The following ITPR1 variants were observed in gnomAD, a reference collection of about 807,000 sequenced individuals.
ITPR1 encodes inositol 1,4,5-trisphosphate-gated calcium channel ITPR1.
ITPR1 carries 96 observed loss-of-function variants against 318.4 expected under a neutral mutation model. The observed-to-expected ratio is 0.30, with a 90% CI of 0.26 to 0.36. The LOEUF (loss-of-function observed/expected upper bound fraction) is 0.36, where lower values mean the gene tolerates loss of function less well. ITPR1 is among the 10% of genes least tolerant of loss of function. The pLI, the probability that ITPR1 is intolerant of heterozygous loss-of-function variation, is 1.00. For missense variants in ITPR1, 2,440 were observed against 3,460.2 expected (o/e 0.71, Z 7.40); for synonymous variants, 1,312 against 1,289.9 (o/e 1.02, Z -0.37).
chr3:4,541,723 T>G (rs2084470250), intron 4 of ITPR1, among the ~76,000 whole-genome samples: 2 of 152,066 alleles, frequency 1.3e-5, no homozygotes, highest in South Asian at 4.2e-4. Context: ...CCTCCCAGGT[T>G]CAAGCCGTTC....
chr3:4,754,940 C>T (rs371054959), intron 44 of ITPR1, among the ~76,000 whole-genome samples: 1 of 152,186 alleles, frequency 6.6e-6, no homozygotes, highest in Non-Finnish European at 1.5e-5. Context: ...ACGGCTGTGC[C>T]GTGTATCCCC....
chr3:4,814,083 C>T (rs2049118312), intron 57 of ITPR1, among the ~76,000 whole-genome samples: 1 of 152,170 alleles, frequency 6.6e-6, no homozygotes, highest in Non-Finnish European at 1.5e-5. Flanking sequence ...AGACAAGAGG[C>T]CTGTGACTCA....
At chr3:4,532,659 C>T (rs561828290) in intron 4 of ITPR1, among the ~76,000 whole-genome samples, 19 of 152,014 alleles carry the variant, frequency 1.2e-4, no homozygotes, top group South Asian at 2.1e-4. Flanking sequence ...GCATGAGCCA[C>T]GGCACCCTGC....
chr3:4,815,425 G>A (rs935084735), intron 59 of ITPR1, among the ~76,000 whole-genome samples: 1 of 152,090 alleles, frequency 6.6e-6, no homozygotes, highest in Admixed American at 6.5e-5. Flanking sequence ...TACAGACCTG[G>A]GTTCTGACTG....
At chr3:4,569,532 A>T (rs1354908394) in intron 4 of ITPR1, among the ~76,000 whole-genome samples, 3 of 152,246 alleles carry the variant, frequency 2.0e-5, no homozygotes, top group Non-Finnish European at 4.4e-5. Context: ...TGTTGGCCTC[A>T]TCCATAAACT....
chr3:4,817,240 G>C (rs1307004145), intron 59 of ITPR1, among the ~76,000 whole-genome samples: 2 of 152,230 alleles, frequency 1.3e-5, no homozygotes, highest in African/African-American at 2.4e-5. Context: ...ACTGGAGAAA[G>C]GTATTTAGAA....
At chr3:4,507,961 C>G (rs574960598) in intron 2 of ITPR1, among the ~76,000 whole-genome samples, 4 of 152,038 alleles carry the variant, frequency 2.6e-5, no homozygotes, top group Non-Finnish European at 5.9e-5. Context: ...GAGTGTTTTG[C>G]GTGTGTCTTG....
chr3:4,779,475 C>T lies in ITPR1; in HGVS notation c.6292-75C>T, dbSNP rs898317877. ...TTTAGCCGGGATGCCTCCCATGTGC[C>T]AGTTGGCACCTGCATTCAGGCCGGG... On this transcript the variant is annotated intron_variant, in intron 48 of 61. Coordinates refer to ENST00000649015, the MANE Select transcript of ITPR1 (RefSeq NM_001378452.1). This position sits in a 1 kb window ranked among gnomAD's most constrained non-coding sequence, Gnocchi z 4.0. 9.5e-6 allele frequency: 10 copies of T among 1,050,668 alleles called. No individual in the cohort carries two copies. The highest frequency in any genetic ancestry group is 2.4e-5 in the East Asian group (1 of 41,376). The allele number at this position is 1,050,668 out of a possible 1,614,324, so 65.1% of individuals were successfully genotyped here.
intron 44 of ITPR1, among the ~76,000 whole-genome samples, chr3:4,737,513 C>T (rs140445770): frequency 1.5e-4 from 23 of 152,188 alleles, no homozygotes; most frequent in East Asian, 3.9e-4. Context: ...TCCAGAACAG[C>T]GGTTGGGTCT....
chr3:4,709,702 T>C (rs556318859), intron 37 of ITPR1, among the ~76,000 whole-genome samples: 3 of 152,394 alleles, frequency 2.0e-5, no homozygotes, highest in Admixed American at 6.5e-5. Context: ...CTATGTGTTT[T>C]GCATTTGAAG....
intron 60 of ITPR1, among the ~76,000 whole-genome samples, chr3:4,827,934 T>C (rs1339470394): frequency 6.6e-6 from 1 of 152,076 alleles, no homozygotes; most frequent in East Asian, 1.9e-4. Flanking sequence ...TTCTCAGTTC[T>C]TCATGAAGTC....
chr3:4,800,250 G>C, intron 53 of ITPR1, 175 bp from the exon 54 acceptor site: 1 of 573,688 alleles, frequency 1.7e-6, no homozygotes, highest in Non-Finnish European at 3.0e-6. Flanking sequence ...GAGGCTTGGA[G>C]GTCAAAAAAT....
At chr3:4,822,276 G>A (rs184516700) in intron 60 of ITPR1, among the ~76,000 whole-genome samples, 3 of 152,314 alleles carry the variant, frequency 2.0e-5, no homozygotes, top group Admixed American at 6.5e-5. Flanking sequence ...CAGGGGCTGC[G>A]GGGCTGACAG....
intron 12 of ITPR1, among the ~76,000 whole-genome samples, chr3:4,655,853 C>T (rs565371582): frequency 4.6e-5 from 7 of 152,296 alleles, no homozygotes; most frequent in South Asian, 2.1e-4. Context: ...TCTTACCCGA[C>T]GCCCACACGG....
At chr3:4,550,620 GA>G (rs2085471098) in intron 4 of ITPR1, among the ~76,000 whole-genome samples, 1 of 152,098 alleles carries the variant, frequency 6.6e-6, no homozygotes, top group Non-Finnish European at 1.5e-5. Flanking sequence ...TGGGCTGAAA[GA>G]AGTAAAAAAA....
At position 4,526,612 on chromosome 3, in the gene ITPR1, T is replaced by C. The variant is rs2124940796; in HGVS notation, c.163+5518T>C. Among the ~76,000 whole-genome samples, 2 of 152,374 alleles carry C rather than the reference T, an allele frequency of 1.3e-5. 1 individual carries two copies. The highest frequency in any genetic ancestry group is 6.8e-3 in the Middle Eastern group (2 of 294). ...AGCCAATGTTAATACAGCATTTATT[T>C]TGTGCAAAGCACTTCCTTTGAATTA... On this transcript the variant is annotated intron_variant, in intron 4 of 61. Coordinates refer to ENST00000649015, the MANE Select transcript of ITPR1 (RefSeq NM_001378452.1).
At chr3:4,750,604 A>G (rs998076555) in intron 44 of ITPR1, 1 of 152,154 alleles carries the variant, frequency 6.6e-6, no homozygotes, top group Non-Finnish European at 1.5e-5. Flanking sequence ...ATGCGTCAGT[A>G]AAGAATCTGG....
intron 4 of ITPR1, among the ~76,000 whole-genome samples, chr3:4,588,880 C>T (rs1025639043): frequency 6.6e-6 from 1 of 152,176 alleles, no homozygotes; most frequent in African/African-American, 2.4e-5. Context: ...CACATCTTAG[C>T]CATCTGAGTC....
At chr3:4,643,160 A>G (rs541928291) in intron 7 of ITPR1, among the ~76,000 whole-genome samples, 1 of 152,346 alleles carries the variant, frequency 6.6e-6, no homozygotes, top group East Asian at 1.9e-4. Flanking sequence ...CTTAACAGTG[A>G]ACAGAAAGAA....
Sources: gnomAD v4.1 joint callset for allele counts (sites outside exome capture counted in the v4.1 genomes callset) on GRCh38, gnomAD v4.1.1 for gene constraint, Gnocchi (gnomAD v3.1) non-coding constraint, MANE v1.5 for transcripts, NCBI Gene and HGNC (gene_info 2026-07-23, HGNC 2026-07-21) for gene names.